Variants in PCSK5 observed in about 807,000 individuals in gnomAD.
The protein encoded by PCSK5 is proprotein convertase subtilisin/kexin type 5, also known as prohormone convertase 5.
Under a neutral mutation model 233.2 loss-of-function variants are expected in PCSK5, and 129 were observed. The observed-to-expected ratio is 0.55, with a 90% CI of 0.48 to 0.64. The LOEUF (loss-of-function observed/expected upper bound fraction) is 0.64, where lower values mean the gene tolerates loss of function less well. PCSK5 is among the 30% of genes least tolerant of loss of function. PCSK5 has a pLI of 0.00. For synonymous variants in PCSK5, 825 were observed against 879.2 expected (o/e 0.94, Z 1.09); for missense variants, 2,076 against 2,430.1 (o/e 0.85, Z 3.06).
intron 2 of PCSK5, among the ~76,000 whole-genome samples, chr9:75,946,723 G>A (rs1013893782): frequency 5.3e-5 from 8 of 151,986 alleles, no homozygotes; most frequent in African/African-American, 1.9e-4. Context: ...CAAGTAGCTG[G>A]GATTACAGGT....
At chr9:76,024,182 C>T (rs983425995) in intron 4 of PCSK5, among the ~76,000 whole-genome samples, 6 of 152,358 alleles carry the variant, frequency 3.9e-5, no homozygotes, top group Non-Finnish European at 7.3e-5. Flanking sequence ...ATTTATCCAA[C>T]CAGCCAGGCA....
chr9:75,982,873 T>G (rs1826339714), intron 2 of PCSK5, among the ~76,000 whole-genome samples: 1 of 152,092 alleles, frequency 6.6e-6, no homozygotes, highest in African/African-American at 2.4e-5. Context: ...CTGAGATTAG[T>G]GTTAAACATC....
intron 20 of PCSK5, among the ~76,000 whole-genome samples, chr9:76,209,755 C>T (rs1825262698): frequency 6.6e-6 from 1 of 151,362 alleles, no homozygotes; most frequent in East Asian, 1.9e-4. Flanking sequence ...AGTTGATATA[C>T]ATAATTATAA....
At chr9:76,353,300 C>T (rs553059966) in intron 36 of PCSK5, among the ~76,000 whole-genome samples, 7 of 152,308 alleles carry the variant, frequency 4.6e-5, no homozygotes, top group Non-Finnish European at 8.8e-5. Context: ...AGGGAAGCCA[C>T]TTTCTTCTCA....
chr9:76,184,586 A>G (rs1824016589), intron 16 of PCSK5, 87 bp from the exon 17 acceptor site: 2 of 794,998 alleles, frequency 2.5e-6, no homozygotes, highest in African/African-American at 1.7e-5. Flanking sequence ...GTACTGTAGC[A>G]TACATTAGCA....
At chr9:76,116,348 T>G (rs578002856) in intron 9 of PCSK5, among the ~76,000 whole-genome samples, 14 of 152,286 alleles carry the variant, frequency 9.2e-5, no homozygotes, top group Admixed American at 9.2e-4. Flanking sequence ...TTCATTTCTC[T>G]ATTCATAATT....
chr9:76,294,491 T>C (rs1398846769), intron 25 of PCSK5, among the ~76,000 whole-genome samples: 1 of 152,204 alleles, frequency 6.6e-6, no homozygotes, highest in Non-Finnish European at 1.5e-5. Flanking sequence ...ATTTCAGGCC[T>C]CAGTGCCAGT....
At chr9:75,892,939 G>A (rs566030101) in intron 1 of PCSK5, among the ~76,000 whole-genome samples, 1 of 152,338 alleles carries the variant, frequency 6.6e-6, no homozygotes, top group South Asian at 2.1e-4. Context: ...TGTTGCTTGA[G>A]TGACTGTTAT....
At chr9:75,896,635 GAA>G (rs1274878460) in intron 1 of PCSK5, among the ~76,000 whole-genome samples, 6 of 152,158 alleles carry the variant, frequency 3.9e-5, no homozygotes, top group African/African-American at 1.4e-4. Flanking sequence ...ATCAATGACA[GAA>G]AAGCTGACTT....
chr9:76,329,814 C>T (rs1279386618), intron 33 of PCSK5, among the ~76,000 whole-genome samples: 1 of 151,956 alleles, frequency 6.6e-6, no homozygotes, highest in Non-Finnish European at 1.5e-5. Context: ...GCCTAGGCAA[C>T]AGAGCAAGAC....
intron 3 of PCSK5, among the ~76,000 whole-genome samples, chr9:75,994,685 G>A (rs1027939017): frequency 6.6e-6 from 1 of 151,900 alleles, no homozygotes; most frequent in Non-Finnish European, 1.5e-5. Context: ...GCCTCCCAAA[G>A]TGCTGGGATT....
At chr9:76,260,771 A>C (rs1012175204) in intron 24 of PCSK5, among the ~76,000 whole-genome samples, 2 of 152,124 alleles carry the variant, frequency 1.3e-5, no homozygotes, top group African/African-American at 4.8e-5. Flanking sequence ...TGACATAATA[A>C]ATTTTTATGT....
At chr9:76,118,476 C>G (rs1385189046) in intron 9 of PCSK5, among the ~76,000 whole-genome samples, 2 of 151,862 alleles carry the variant, frequency 1.3e-5, no homozygotes, top group Non-Finnish European at 1.5e-5. Context: ...CTTTGAAATC[C>G]AAAAGATTGA....
rs1478523312 is a variant in PCSK5 at position 76,071,788 on chromosome 9, C to G, written c.784C>G (p.Pro262Ala). Residue 262 changes from proline to alanine, a missense_variant, in exon 7 of 38, where the codon CCC (proline) becomes GCC (alanine). This residue lies in a region of PCSK5 where 178 missense variants were observed against 393.6 expected (regional missense o/e 0.45). Coordinates refer to ENST00000674117, the MANE Select transcript of PCSK5 (RefSeq NM_001372043.1). The part of the protein sequence containing the change: ...MVEAKSVSFN[P>A]QHVHIYSASW... ...TGAAGCAAAATCAGTTAGCTTCAAC[C>G]CCCAGCACGTGCACATTTACAGCGC... The G allele has an allele frequency of 6.2e-7, 1 of 1,614,132 alleles. No individual in the cohort carries two copies. Among genetic ancestry groups the G allele is most frequent in the Admixed American group, 1.7e-5 (1 of 60,030 alleles).
At chr9:76,208,578 C>T (rs1410308467) in intron 20 of PCSK5, among the ~76,000 whole-genome samples, 1 of 152,118 alleles carries the variant, frequency 6.6e-6, no homozygotes, top group Non-Finnish European at 1.5e-5. Flanking sequence ...TTTTTAGAGC[C>T]TCCCATTACA....
chr9:76,069,385 A>C (rs1007326911), intron 6 of PCSK5, among the ~76,000 whole-genome samples: 1 of 151,994 alleles, frequency 6.6e-6, no homozygotes, highest in African/African-American at 2.4e-5. Flanking sequence ...AATCTTAATA[A>C]TTTTTAAAAA....
chr9:76,350,764 C>T (rs74756265), intron 35 of PCSK5, 64 bp from the exon 36 acceptor site: 39,015 of 980,552 alleles, frequency 0.04, 980 homozygotes, highest in Middle Eastern at 0.059. Flanking sequence ...CTAAGTGTTC[C>T]GGAACAAAGA....
chr9:75,951,863 A>C (rs1199081807), intron 2 of PCSK5, among the ~76,000 whole-genome samples: 1 of 152,238 alleles, frequency 6.6e-6, no homozygotes, highest in African/African-American at 2.4e-5. Flanking sequence ...TATATAAGCT[A>C]CATACAAATA....
At chr9:76,021,848 A>G (rs73650422) in intron 3 of PCSK5, among the ~76,000 whole-genome samples, 5,358 of 152,210 alleles carry the variant, frequency 0.035, 306 homozygotes, top group African/African-American at 0.12. Context: ...AACACCCTGA[A>G]TGATTTGACC....
Sources: allele counts gnomAD v4.1 joint callset (sites outside exome capture counted in the v4.1 genomes callset), GRCh38; gene constraint gnomAD v4.1.1; regional missense constraint gnomAD v4.1.1; transcripts MANE v1.5; gene names NCBI Gene and HGNC (gene_info 2026-07-23, HGNC 2026-07-21).